The following PGRMC2 variants were observed in gnomAD, a reference collection of about 807,000 sequenced individuals.
PGRMC2 encodes the protein membrane-associated progesterone receptor component 2.
In PGRMC2, 9 loss-of-function variants were observed where a neutral mutation model predicts 19.3. That is an observed-to-expected ratio of 0.47 (90% confidence interval 0.28 to 0.81). The LOEUF is 0.81. PGRMC2 is among the 40% of genes least tolerant of loss of function. PGRMC2 has a pLI of 0.11. For missense variants in PGRMC2, 289 were observed against 297.3 expected, an observed-to-expected ratio of 0.97 and a Z score of 0.21; for synonymous variants, 157 against 124.6, an observed-to-expected ratio of 1.26 and a Z score of -1.73.
At position 128,270,156 on chromosome 4, in the gene PGRMC2, A is replaced by T. The variant is rs41300351; in HGVS notation, c.*1160T>A. Reference sequence around the variant, plus strand: ...TCAAGCTTATTTTGGTTTATTGTACATGCTTTATTAAAATGGTACTTGTAT... The same window carrying T: ...TCAAGCTTATTTTGGTTTATTGTACTTGCTTTATTAAAATGGTACTTGTAT... On this transcript the variant is annotated 3_prime_UTR_variant, in exon 3 of 3. Coordinates refer to ENST00000296425, the MANE Select transcript of PGRMC2 (RefSeq NM_006320.6). 2.6e-5 allele frequency: 4 copies of T among 152,734 alleles called. No homozygotes were observed. In the East Asian group the frequency reaches 7.7e-4, roughly 29 times the overall value. 9.5% of individuals were successfully genotyped at this position (152,734 alleles called of 1,614,324 possible). A position where few individuals can be genotyped will look rare whatever the true frequency, so the allele number is the denominator to read the frequency against.
intron 1 of PGRMC2, among the ~76,000 whole-genome samples, chr4:128,278,614 A>G (rs1239678854): frequency 6.6e-6 from 1 of 152,106 alleles, no homozygotes; most frequent in African/African-American, 2.4e-5. Context: ...TTTGGACTCT[A>G]ATTTCACATC....
rs772205450 is a variant in PGRMC2 at position 128,280,352 on chromosome 4, GGA to G, written c.418+7019_418+7020del. ...GCAATAAGTAACAGCAAATTTTCTG[GGA>G]AAAAAAAAAAAAAAAAAAAAAGGAC... On this transcript the variant is annotated intron_variant, in intron 1 of 2. Coordinates refer to ENST00000296425, the MANE Select transcript of PGRMC2 (RefSeq NM_006320.6). Among the ~76,000 whole-genome samples, 12 of 60,536 alleles carry G rather than the reference GGA, an allele frequency of 2.0e-4. 1 individual carries two copies. Among genetic ancestry groups the G allele is most frequent in the African/African-American group, 6.1e-4 (9 of 14,646 alleles). 39.7% of individuals were successfully genotyped at this position (60,536 alleles called of 152,430 possible). A position where few individuals can be genotyped will look rare whatever the true frequency, so the allele number is the denominator to read the frequency against.
At chr4:128,272,834 T>G in intron 1 of PGRMC2, 1 of 196,026 alleles carries the variant, frequency 5.1e-6, no homozygotes, top group Non-Finnish European at 1.0e-5. Flanking sequence ...AGAAGAAACT[T>G]AAGTGGTTAG....
chr4:128,274,011 C>T (rs1760769739), intron 1 of PGRMC2, among the ~76,000 whole-genome samples: 2 of 152,102 alleles, frequency 1.3e-5, no homozygotes, highest in Non-Finnish European at 2.9e-5. Context: ...ATTGCTACAT[C>T]GTATCACATG....
intron 1 of PGRMC2, among the ~76,000 whole-genome samples, chr4:128,274,906 C>CAAGG (rs776182906): frequency 2.6e-5 from 4 of 152,186 alleles, no homozygotes; most frequent in Middle Eastern, 3.2e-3. Flanking sequence ...AAGGGACAGA[C>CAAGG]TGCCTTCCCC....
intron 1 of PGRMC2, among the ~76,000 whole-genome samples, chr4:128,284,257 T>C (rs1010341424): frequency 1.1e-4 from 16 of 152,160 alleles, no homozygotes; most frequent in African/African-American, 3.9e-4. Context: ...TGTGGTAATA[T>C]CCATCTGGAT....
At chr4:128,281,413 T>C (rs1194947827) in intron 1 of PGRMC2, among the ~76,000 whole-genome samples, 2 of 152,080 alleles carry the variant, frequency 1.3e-5, no homozygotes, top group Non-Finnish European at 2.9e-5. Context: ...AGGATAGTCA[T>C]CTATAGCAAA....
At chr4:128,273,671 T>G (rs1373153872) in intron 1 of PGRMC2, among the ~76,000 whole-genome samples, 1 of 152,218 alleles carries the variant, frequency 6.6e-6, no homozygotes, top group Non-Finnish European at 1.5e-5. Context: ...GCGAAATGAT[T>G]ATATTCATAT....
At chr4:128,287,240 C>A in intron 1 of PGRMC2, 133 bp downstream of exon 1, 1 of 1,015,506 alleles carries the variant, frequency 9.8e-7, no homozygotes, top group Non-Finnish European at 1.4e-6. Flanking sequence ...GTCCCAGGTG[C>A]GGCGGCCGAG....
At chr4:128,277,358 T>A (rs1760829155) in intron 1 of PGRMC2, among the ~76,000 whole-genome samples, 1 of 152,216 alleles carries the variant, frequency 6.6e-6, no homozygotes, top group Non-Finnish European at 1.5e-5. Context: ...GGTGACATAT[T>A]CTTGAAACAG....
intron 1 of PGRMC2, among the ~76,000 whole-genome samples, chr4:128,278,554 A>G (rs1036041756): frequency 6.6e-5 from 10 of 152,146 alleles, no homozygotes; most frequent in Non-Finnish European, 1.5e-4. Context: ...CCTGGGTGAC[A>G]GAGCAAGATT....
At chr4:128,286,497 G>A (rs946615015) in intron 1 of PGRMC2, among the ~76,000 whole-genome samples, 3 of 151,990 alleles carry the variant, frequency 2.0e-5, no homozygotes, top group African/African-American at 7.3e-5. Context: ...CTGGCACATG[G>A]GGGTATAAAT....
intron 1 of PGRMC2, among the ~76,000 whole-genome samples, chr4:128,277,377 T>C (rs1760829355): frequency 6.6e-6 from 1 of 152,158 alleles, no homozygotes; most frequent in Admixed American, 6.5e-5. Context: ...AGCAACAACA[T>C]ATGCTCATTG....
At chr4:128,286,617 G>A (rs1024890217) in intron 1 of PGRMC2, 4 of 398,246 alleles carry the variant, frequency 1.0e-5, no homozygotes, top group African/African-American at 8.2e-5. Flanking sequence ...CCAGAGACAC[G>A]CCTGCTGGGT....
chr4:128,287,635 C>T lies in PGRMC2; in HGVS notation c.156G>A (p.Gly52=). The T allele has an allele frequency of 5.9e-6, 9 of 1,537,722 alleles. No homozygotes were observed. The highest frequency in any genetic ancestry group is 7.9e-6 in the Non-Finnish European group (9 of 1,145,582). Residue 52 remains glycine (G), a synonymous_variant, in exon 1 of 3, where the codon GGG becomes GGA. Transcript: ENST00000296425. Reference sequence around the variant, plus strand: ...CCAGCGCCACGTTCAGCAGCATTTCCCCGCCCCCCGTCAGAAGCGCCAACG... The same window carrying T: ...CCAGCGCCACGTTCAGCAGCATTTCTCCGCCCCCCGTCAGAAGCGCCAACG... ...AAALALLTGG[G]EMLLNVALVA...
rs2110567085 is a variant in PGRMC2 at position 128,287,554 on chromosome 4, A to AACCC, written c.236_237insGGGT (p.Leu80GlyfsTer71). The AACCC allele has an allele frequency of 5.4e-6, 5 of 924,808 alleles. No individual in the cohort carries two copies. Among genetic ancestry groups the AACCC allele is most frequent in the South Asian group, 1.5e-5 (1 of 67,116 alleles). The allele number at this position is 924,808 out of a possible 1,614,324, so 57.3% of individuals were successfully genotyped here. On this transcript the variant is annotated frameshift_variant, in exon 1 of 3. Transcript: ENST00000296425. LOFTEE classifies it high-confidence loss of function. ...CGCCCGCCCCGGCCCCGGCCCCCAGACCCCGCCGCCCCCAGCGCACCCACA... is the reference window on the plus strand; with the variant it reads ...CGCCCGCCCCGGCCCCGGCCCCCAGAACCCCCCCGCCGCCCCCAGCGCACCCACA...
rs940026293 is a variant in PGRMC2 at position 128,269,704 on chromosome 4, A to T, written c.*1612T>A. 1 of 152,218 alleles carries T rather than the reference A, an allele frequency of 6.6e-6. No homozygotes were observed. The highest frequency in any genetic ancestry group is 1.5e-5 in the Non-Finnish European group (1 of 68,036). 9.4% of individuals were successfully genotyped at this position (152,218 alleles called of 1,614,324 possible). On this transcript the variant is annotated 3_prime_UTR_variant, in exon 3 of 3. Transcript: ENST00000296425. Reference sequence around the variant, plus strand: ...TGCCTTTTTAAGTGAACTTGTCCCCAGCCCGGAACCTAAGTAGTCATAATG... The same window carrying T: ...TGCCTTTTTAAGTGAACTTGTCCCCTGCCCGGAACCTAAGTAGTCATAATG...
At position 128,287,418 on chromosome 4, in the gene PGRMC2, C is replaced by T. The variant is rs1761001140; in HGVS notation, c.373G>A (p.Gly125Arg). Residue 125 changes from glycine (G) to arginine (R), a missense_variant, in exon 1 of 3, where the codon GGG (glycine) becomes AGG (arginine). Transcript: ENST00000296425. Reference protein sequence around the residue: ...RNPRILLAVNGKVFDVTKGSK... With the variant: ...RNPRILLAVNRKVFDVTKGSK... ...CCTTTGGTCACGTCGAAGACTTTCC[C>T]ATTGACCGCGAGCAGGATGCGCGGG... The T allele has an allele frequency of 6.2e-7, 1 of 1,612,816 alleles. No individual in the cohort carries two copies. The highest frequency in any genetic ancestry group is 8.5e-7 in the Non-Finnish European group (1 of 1,179,076).
At chr4:128,277,203 C>T (rs534008329) in intron 1 of PGRMC2, among the ~76,000 whole-genome samples, 2 of 152,138 alleles carry the variant, frequency 1.3e-5, no homozygotes, top group East Asian at 3.9e-4. Context: ...ACAAACCCAA[C>T]ATGAAGTACT....
Sources: gnomAD v4.1 joint callset for allele counts (sites outside exome capture counted in the v4.1 genomes callset) on GRCh38, gnomAD v4.1.1 for gene constraint, MANE v1.5 for transcripts, NCBI Gene and HGNC (gene_info 2026-07-23, HGNC 2026-07-21) for gene names.